DET1: variants seen among roughly 807,000 people sequenced by gnomAD.
DET1 encodes the protein DET1 homolog.
In DET1, 22 loss-of-function variants were observed where a neutral mutation model predicts 43.7. That is an observed-to-expected ratio of 0.50 (90% confidence interval 0.36 to 0.72). DET1 has a LOEUF of 0.72. Ranked by LOEUF, DET1 falls within the 30% of genes least tolerant of loss-of-function variation. The probability of loss-of-function intolerance (pLI) is 0.00; values close to 1 mark genes in which losing one functional copy is unlikely to be tolerated. For missense variants in DET1, 713 were observed against 713.3 expected (o/e 1.00, Z 0.00); for synonymous variants, 315 against 266.2 (o/e 1.18, Z -1.79).
Position 88,531,446 on chromosome 15 carries a change from T to C in DET1, c.260A>G (p.Tyr87Cys), listed in dbSNP as rs779620018. The C allele has an allele frequency of 6.2e-7, 1 of 1,613,998 alleles. No individual in the cohort carries two copies. The highest frequency in any genetic ancestry group is 8.5e-7 in the Non-Finnish European group (1 of 1,179,894). Reference protein sequence around the residue: ...SDQTSLEIYEYQGCQAAEDLL... With the variant: ...SDQTSLEIYECQGCQAAEDLL... Reference sequence around the variant, plus strand: ...GTCCTCTGCTGCCTGGCAGCCCTGGTACTCATAGATTTCAAGAGATGTCTG... The same window carrying C: ...GTCCTCTGCTGCCTGGCAGCCCTGGCACTCATAGATTTCAAGAGATGTCTG... The change falls in exon 2 of 5, where the codon TAC becomes TGC. Residue 87 changes from tyrosine (Y) to cysteine (C), a missense_variant. By Grantham distance (194) the Tyr-to-Cys change is radical. Transcript: ENST00000268148. This position sits in a 1 kb window ranked among gnomAD's most constrained non-coding sequence, Gnocchi z 6.2.
chr15:88,508,165 A>G (rs905125150), downstream of DET1, among the ~76,000 whole-genome samples: 7 of 152,212 alleles, frequency 4.6e-5, no homozygotes, highest in African/African-American at 1.7e-4. Flanking sequence ...CTGATTCTAC[A>G]TTATGGTGAG....
intron 1 of DET1, among the ~76,000 whole-genome samples, chr15:88,538,657 C>G (rs189940505): frequency 2.0e-5 from 3 of 152,130 alleles, no homozygotes; most frequent in Non-Finnish European, 4.4e-5. Context: ...GAGGCCCCAG[C>G]GAGAAATTAA....
At chr15:88,523,802 C>G (rs1051144309) in intron 3 of DET1, among the ~76,000 whole-genome samples, 3 of 152,198 alleles carry the variant, frequency 2.0e-5, no homozygotes, top group South Asian at 4.1e-4. Context: ...CCTCCACCTC[C>G]CAGCCGCCTG....
downstream of DET1, among the ~76,000 whole-genome samples, chr15:88,512,132 C>A (rs1471321067): frequency 6.6e-6 from 1 of 152,178 alleles, no homozygotes; most frequent in Non-Finnish European, 1.5e-5. Flanking sequence ...CTCCCACTAC[C>A]CAAATTACAG....
In DET1 at chr15:88,513,012, G is replaced by A; in HGVS notation, c.1592C>T (p.Ser531Phe). The A allele has an allele frequency of 6.2e-7, 1 of 1,614,090 alleles. No individual in the cohort carries two copies. The highest frequency in any genetic ancestry group is 1.3e-5 in the African/African-American group (1 of 75,078). The change falls in exon 5 of 5, where the codon TCT becomes TTT. Residue 531 changes from serine (S) to phenylalanine (F), a missense_variant. Transcript: ENST00000268148. ...ATACTCAGCATTAGTCCTCTGCACA[G>A]AAATAGCGAAAGGCTCAAAAGGGTG... ...TFHPFEPFAI[S>F]VQRTNAEYVV...
intron 3 of DET1, 126 bp from the exon 4 acceptor site, chr15:88,517,099 G>T (rs1028192823): frequency 4.3e-6 from 3 of 693,408 alleles, no homozygotes; most frequent in Non-Finnish European, 6.8e-6. Context: ...CCTAGGTAAT[G>T]AATTAAGATA....
At chr15:88,528,380 G>A (rs772309253) in intron 2 of DET1, among the ~76,000 whole-genome samples, 5 of 152,128 alleles carry the variant, frequency 3.3e-5, no homozygotes, top group Non-Finnish European at 7.3e-5. Context: ...AAACTGCCCT[G>A]GCAAGTTGTA....
chr15:88,522,412 T>C (rs958539386), intron 3 of DET1, among the ~76,000 whole-genome samples: 1 of 152,072 alleles, frequency 6.6e-6, no homozygotes, highest in African/African-American at 2.4e-5. Flanking sequence ...TCTAGGTCCC[T>C]TCTCTTATCT....
At chr15:88,524,138 G>A (rs1187473306) in intron 3 of DET1, among the ~76,000 whole-genome samples, 1 of 150,582 alleles carries the variant, frequency 6.6e-6, no homozygotes, top group East Asian at 2.0e-4. Context: ...GCCCCGTCGG[G>A]GATGTAAGGA....
At chr15:88,534,525 G>A (rs186264832) in intron 1 of DET1, among the ~76,000 whole-genome samples, 10 of 152,300 alleles carry the variant, frequency 6.6e-5, no homozygotes, top group African/African-American at 2.4e-4. Flanking sequence ...GACCCCAGTG[G>A]AACCAGAAGG....
At chr15:88,536,770 CAAAAAA>C (rs58177778) in intron 1 of DET1, among the ~76,000 whole-genome samples, 3 of 48,072 alleles carry the variant, frequency 6.2e-5, no homozygotes, top group African/African-American at 2.6e-4. Context: ...GACTCCATCT[CAAAAAA>C]AAAAAAAAAA....
At chr15:88,522,389 TAA>T (rs2056515451) in intron 3 of DET1, among the ~76,000 whole-genome samples, 1 of 152,064 alleles carries the variant, frequency 6.6e-6, no homozygotes, top group Admixed American at 6.6e-5. Context: ...ATTTTTTTTT[TAA>T]ATGTTTCTCT....
chr15:88,522,143 T>C (rs1408851980), intron 3 of DET1, among the ~76,000 whole-genome samples: 1 of 152,132 alleles, frequency 6.6e-6, no homozygotes, highest in African/African-American at 2.4e-5. Context: ...CGGAAATAAT[T>C]TGGAAATAAG....
chr15:88,531,575 T>C lies in DET1; in HGVS notation c.131A>G (p.Gln44Arg), dbSNP rs1224096533. 3.7e-6 allele frequency: 6 copies of C among 1,613,914 alleles called. No individual in the cohort carries two copies. The Admixed American group carries it at 8.3e-5, about 22-fold the overall frequency. Reference sequence around the variant, plus strand: ...AACTGTGAAGTTGGGGAAGACATTCTGATGGAACACTCGGACTTGGTGCCA... The same window carrying C: ...AACTGTGAAGTTGGGGAAGACATTCCGATGGAACACTCGGACTTGGTGCCA... ...THWHQVRVFH[Q>R]NVFPNFTVVN... Residue 44 changes from glutamine to arginine, a missense_variant, in exon 2 of 5, where the codon CAG (glutamine) becomes CGG (arginine). Gln to Arg is a conservative substitution (Grantham distance 43). Coordinates refer to ENST00000268148, the MANE Select transcript of DET1 (RefSeq NM_001144074.3). This position sits in a 1 kb window ranked among gnomAD's most constrained non-coding sequence, Gnocchi z 6.2.
chr15:88,542,882 G>T (rs745784775), intron 1 of DET1, among the ~76,000 whole-genome samples: 14 of 152,142 alleles, frequency 9.2e-5, no homozygotes, highest in Non-Finnish European at 1.9e-4. Context: ...AAAAAGGAAT[G>T]CCCACTACTG....
intron 1 of DET1, among the ~76,000 whole-genome samples, chr15:88,538,241 G>C (rs1013347024): frequency 1.3e-5 from 2 of 151,272 alleles, no homozygotes; most frequent in Admixed American, 1.3e-4. Flanking sequence ...CCTTCCTCAA[G>C]GACTTAACTT....
chr15:88,518,506 AACTC>A (rs1202819574), intron 3 of DET1, among the ~76,000 whole-genome samples: 1 of 152,084 alleles, frequency 6.6e-6, no homozygotes, highest in Non-Finnish European at 1.5e-5. Flanking sequence ...AGAAAACAAA[AACTC>A]ACACTTAAAG....
chr15:88,536,828 G>A (rs1379890032), intron 1 of DET1, among the ~76,000 whole-genome samples: 7 of 134,712 alleles, frequency 5.2e-5, no homozygotes, highest in African/African-American at 1.8e-4. Context: ...AAGGCTAAAA[G>A]ACACATTTTT....
rs1433108059 is a variant in DET1 at position 88,516,508 on chromosome 15, G to A, written c.1463+274C>T. ...TGGAATGGTATTAGATTATTAAATG[G>A]GAAAGTACAGCTTCCTCCCCTGGAT... is the stretch of plus-strand genomic sequence containing the variant. On this transcript the variant is annotated intron_variant, in intron 4 of 4. Coordinates refer to ENST00000268148, the MANE Select transcript of DET1 (RefSeq NM_001144074.3). The surrounding 1 kb of genome is among the most constrained non-coding windows in gnomAD (Gnocchi z 4.4). 6.6e-6 allele frequency among the ~76,000 whole-genome samples: 1 copy of A among 152,096 alleles called. No homozygotes were observed. The highest frequency in any genetic ancestry group is 1.5e-5 in the Non-Finnish European group (1 of 68,038).
Sources: gnomAD v4.1 joint callset for allele counts (sites outside exome capture counted in the v4.1 genomes callset) on GRCh38, gnomAD v4.1.1 for gene constraint, Gnocchi (gnomAD v3.1) non-coding constraint, MANE v1.5 for transcripts, NCBI Gene and HGNC (gene_info 2026-07-23, HGNC 2026-07-21) for gene names.